Variants in CTIF observed in about 807,000 individuals in gnomAD.
CTIF encodes the protein CBP80/20-dependent translation initiation factor.
In CTIF, 21 loss-of-function variants were observed where a neutral mutation model predicts 66.0. The ratio of observed to expected loss-of-function variants is 0.32; its 90% confidence interval spans 0.23 to 0.46. The LOEUF is 0.46. Among genes scored for constraint, CTIF ranks in the 20% least tolerant of loss-of-function variants. CTIF has a pLI of 1.00. For synonymous variants in CTIF, 345 were observed against 326.4 expected, an observed-to-expected ratio of 1.06 and a Z score of -0.62; for missense variants, 739 against 812.7, an observed-to-expected ratio of 0.91 and a Z score of 1.10.
chr18:48,609,662 C>T (rs1012419255), intron 1 of CTIF, among the ~76,000 whole-genome samples: 16 of 152,138 alleles, frequency 1.1e-4, no homozygotes, highest in African/African-American at 2.2e-4. Flanking sequence ...CCCTATTTTA[C>T]GAGTGGGGGC....
intron 1 of CTIF, among the ~76,000 whole-genome samples, chr18:48,598,650 GGTGGT>G (rs1363221709): frequency 6.6e-6 from 1 of 152,224 alleles, no homozygotes; most frequent in East Asian, 1.9e-4. Context: ...GAAACGGCAT[GGTGGT>G]GTGGGCGGGC....
Position 48,761,646 on chromosome 18 carries a change from T to C in CTIF, c.1328T>C (p.Val443Ala), listed in dbSNP as rs1909007795. Residue 443 changes from valine (V) to alanine (A), a missense_variant, in exon 9 of 12, where the codon GTG becomes GCG. Val to Ala is a moderately conservative substitution (Grantham distance 64, BLOSUM62 0). Around this residue, in one of 2 missense-constraint regions of CTIF, gnomAD observed 210 missense variants for 292.3 expected, o/e 0.72. Transcript: ENST00000256413. This position sits in a 1 kb window ranked among gnomAD's most constrained non-coding sequence, Gnocchi z 4.2. ...KLCDKMALFM[V>A]EGTKFRSLLL... is the part of the protein sequence containing the mutation. ...TGCGACAAGATGGCGCTCTTTATGG[T>C]GGAGGGGACCAAGTTCCGGAGCCTG... 1 of 1,613,332 alleles carries C rather than the reference T, an allele frequency of 6.2e-7. No individual in the cohort carries two copies. The highest frequency in any genetic ancestry group is 8.5e-7 in the Non-Finnish European group (1 of 1,179,478).
At chr18:48,779,021 G>T (rs1910963026) in intron 9 of CTIF, among the ~76,000 whole-genome samples, 1 of 152,228 alleles carries the variant, frequency 6.6e-6, no homozygotes, top group Non-Finnish European at 1.5e-5. Flanking sequence ...GCCTGGGCAA[G>T]TGGTTTTCCC....
chr18:48,546,491 A>G (rs796226555), intron 1 of CTIF, among the ~76,000 whole-genome samples: 27 of 152,292 alleles, frequency 1.8e-4, no homozygotes, highest in African/African-American at 6.5e-4. Context: ...CCAATGACAG[A>G]GCACCTAGAA....
chr18:48,800,911 CA>C (rs999061724), intron 9 of CTIF, among the ~76,000 whole-genome samples: 6 of 152,234 alleles, frequency 3.9e-5, no homozygotes, highest in African/African-American at 1.4e-4. Context: ...GGCGTGTCCT[CA>C]ACCACATGAA....
intron 3 of CTIF, among the ~76,000 whole-genome samples, chr18:48,648,326 T>C (rs2091088843): frequency 6.6e-6 from 1 of 152,086 alleles, no homozygotes; most frequent in South Asian, 2.1e-4. Flanking sequence ...GAATGGCCTT[T>C]CCCTCTCCCA....
At chr18:48,563,160 G>A (rs964985943) in intron 1 of CTIF, among the ~76,000 whole-genome samples, 2 of 152,096 alleles carry the variant, frequency 1.3e-5, no homozygotes, top group Admixed American at 1.3e-4. Context: ...GACTTGATTG[G>A]CCCCTCCTCC....
At chr18:48,625,104 C>A in intron 2 of CTIF, 1 of 435,620 alleles carries the variant, frequency 2.3e-6, no homozygotes, top group Non-Finnish European at 3.1e-6. Context: ...TCCCTGTTCA[C>A]TGTTCCCTCG....
intron 3 of CTIF, among the ~76,000 whole-genome samples, chr18:48,650,915 A>T (rs2144765768): frequency 6.6e-6 from 1 of 152,330 alleles, no homozygotes; most frequent in South Asian, 2.1e-4. Flanking sequence ...GAGAAGGAGA[A>T]ATAAAACCCT....
intron 1 of CTIF, among the ~76,000 whole-genome samples, chr18:48,612,093 C>T (rs758370840): frequency 2.6e-4 from 40 of 152,218 alleles, no homozygotes; most frequent in Admixed American, 1.4e-3. Flanking sequence ...GGACCTGGGG[C>T]TCCTGCACAT....
intron 9 of CTIF, among the ~76,000 whole-genome samples, chr18:48,778,863 GCTGGTCC>G (rs1350487588): frequency 6.6e-6 from 1 of 152,200 alleles, no homozygotes; most frequent in Non-Finnish European, 1.5e-5. Flanking sequence ...AGCAGGTCGC[GCTGGTCC>G]CTGGGGAGCC....
chr18:48,667,838 T>C (rs1000727192), intron 5 of CTIF, among the ~76,000 whole-genome samples: 1 of 152,116 alleles, frequency 6.6e-6, no homozygotes, highest in East Asian at 1.9e-4. Context: ...GGAGTCTGAG[T>C]GCAGTGTCTG....
chr18:48,636,733 CT>C, intron 3 of CTIF, 48 bp downstream of exon 3: 1 of 1,453,392 alleles, frequency 6.9e-7, no homozygotes, highest in East Asian at 2.5e-5. Flanking sequence ...TATGTCTTGT[CT>C]GCCTGGGTTC....
rs991240025 is a variant in CTIF at position 48,862,980 on chromosome 18, A to G, written c.*3421A>G. 6.6e-6 allele frequency: 1 copy of G among 152,288 alleles called. No homozygotes were observed. Among genetic ancestry groups the G allele is most frequent in the Non-Finnish European group, 1.5e-5 (1 of 68,078 alleles). 9.4% of individuals were successfully genotyped at this position (152,288 alleles called of 1,614,324 possible). ...TTTGAGGACACAGATCAGAAGAAAG[A>G]AAGACAACTTTCCTCTGCGCGGAAC... On this transcript the variant is annotated 3_prime_UTR_variant, in exon 12 of 12. Coordinates refer to ENST00000256413, the MANE Select transcript of CTIF (RefSeq NM_014772.3).
intron 1 of CTIF, among the ~76,000 whole-genome samples, chr18:48,615,541 G>C (rs1305479441): frequency 2.0e-5 from 3 of 152,220 alleles, no homozygotes; most frequent in African/African-American, 4.8e-5. Context: ...CGACAAGTGA[G>C]GGGGGCTAGG....
chr18:48,668,582 C>T (rs1240770896), intron 5 of CTIF, among the ~76,000 whole-genome samples: 3 of 152,026 alleles, frequency 2.0e-5, no homozygotes, highest in East Asian at 1.9e-4. Flanking sequence ...CCATTCCCCA[C>T]CCCAGCTCCA....
chr18:48,651,400 G>A (rs1244741046), intron 3 of CTIF, among the ~76,000 whole-genome samples: 1 of 152,130 alleles, frequency 6.6e-6, no homozygotes, highest in Non-Finnish European at 1.5e-5. Flanking sequence ...GACAAAGAAG[G>A]CCATTACATA....
intron 3 of CTIF, among the ~76,000 whole-genome samples, chr18:48,651,748 G>T (rs1403947582): frequency 6.6e-6 from 1 of 152,288 alleles, no homozygotes; most frequent in South Asian, 2.1e-4. Context: ...TGAAAGAACA[G>T]AAATCACAAC....
chr18:48,844,039 C>T (rs1007380159), intron 10 of CTIF, among the ~76,000 whole-genome samples: 2 of 152,202 alleles, frequency 1.3e-5, no homozygotes, highest in African/African-American at 4.8e-5. Flanking sequence ...AATATGTAAG[C>T]CAGGTGAGCA....
Sources: allele counts gnomAD v4.1 joint callset (sites outside exome capture counted in the v4.1 genomes callset), GRCh38; gene constraint gnomAD v4.1.1; regional missense constraint gnomAD v4.1.1; non-coding constraint Gnocchi (gnomAD v3.1); transcripts MANE v1.5; gene names NCBI Gene and HGNC (gene_info 2026-07-23, HGNC 2026-07-21).